The following WDR25 variants were observed in gnomAD, a reference collection of about 807,000 sequenced individuals.
The protein encoded by WDR25 is WD repeat domain 25.
A neutral mutation model predicts 47.7 loss-of-function variants in WDR25; 35 were observed. The ratio of observed to expected loss-of-function variants is 0.73; its 90% CI spans 0.56 to 0.97. The LOEUF is 0.97. Ranked by LOEUF, WDR25 falls within the 50% of genes least tolerant of loss-of-function variation. The probability of loss-of-function intolerance (pLI) is 0.00; values close to 1 mark genes in which losing one functional copy is unlikely to be tolerated. For synonymous variants in WDR25, 248 were observed against 278.9 expected (o/e 0.89, Z 1.10); for missense variants, 634 against 704.7 (o/e 0.90, Z 1.14).
Position 100,392,356 on chromosome 14 carries a change from T to TCTC in WDR25, c.822+10611_822+10613dup, listed in dbSNP as rs2140155460. ...GTGAGTGGGTTCTTTTCCAGCCACGTCTCTGTCTTCTTCTGCTTGGTTAGC... is the reference window on the plus strand; with the variant it reads ...GTGAGTGGGTTCTTTTCCAGCCACGTCTCCTCTGTCTTCTTCTGCTTGGTTAGC... On this transcript the variant is annotated intron_variant, in intron 2 of 6. Transcript: ENST00000402312. This position sits in a 1 kb window ranked among gnomAD's most constrained non-coding sequence, Gnocchi z 4.2. Among the ~76,000 whole-genome samples, 1 of 151,796 alleles carries TCTC rather than the reference T, an allele frequency of 6.6e-6. No homozygotes were observed. The highest frequency in any genetic ancestry group is 2.0e-4 in the East Asian group (1 of 5,114).
At chr14:100,439,344 G>A (rs1056197511) in intron 2 of WDR25, among the ~76,000 whole-genome samples, 1 of 152,220 alleles carries the variant, frequency 6.6e-6, no homozygotes, top group African/African-American at 2.4e-5. Context: ...GGACTCCTGT[G>A]CATCACAGAG....
chr14:100,465,981 A>G (rs1218425673), intron 2 of WDR25, among the ~76,000 whole-genome samples: 1 of 152,242 alleles, frequency 6.6e-6, no homozygotes, highest in East Asian at 1.9e-4. Flanking sequence ...TGTACTTAAT[A>G]TTAACTTTTT....
At chr14:100,383,191 C>T (rs1896944518) in intron 2 of WDR25, among the ~76,000 whole-genome samples, 1 of 152,192 alleles carries the variant, frequency 6.6e-6, no homozygotes, top group African/African-American at 2.4e-5. Flanking sequence ...GACTCAGAGT[C>T]CTGTGGGAGA....
In WDR25 at chr14:100,487,443, G is replaced by A. The variant is rs1300887875; in HGVS notation, c.1101+3319G>A. 7 of 152,284 alleles carry A rather than the reference G, an allele frequency of 4.6e-5. No homozygotes were observed. In the Middle Eastern group the frequency reaches 0.01, roughly 222 times the overall value. 9.4% of individuals were successfully genotyped at this position (152,284 alleles called of 1,614,324 possible). A position where few individuals can be genotyped will look rare whatever the true frequency, so the allele number is the denominator to read the frequency against. On this transcript the variant is annotated intron_variant, in intron 4 of 6. Coordinates refer to ENST00000402312, the MANE Select transcript of WDR25 (RefSeq NM_001161476.3). ...TATACTCATTTATGTATCATCTGTG[G>A]CTGCTTTTATACTACAGTAGCAGAG...
rs1000262143 is a variant in WDR25 at position 100,440,592 on chromosome 14, A to G, written c.823-27429A>G. Among the ~76,000 whole-genome samples, 1 of 152,232 alleles carries G rather than the reference A, an allele frequency of 6.6e-6. No individual in the cohort carries two copies. The highest frequency in any genetic ancestry group is 1.5e-5 in the Non-Finnish European group (1 of 68,042). On this transcript the variant is annotated intron_variant, in intron 2 of 6. Transcript: ENST00000402312. The surrounding 1 kb of genome is among the most constrained non-coding windows in gnomAD (Gnocchi z 4.4). Reference sequence around the variant, plus strand: ...ACAGGCTCCTGCTTTGTCCATGTGGAAGGAGCCCAGGCTGCCCTGGCTGCT... The same window carrying G: ...ACAGGCTCCTGCTTTGTCCATGTGGGAGGAGCCCAGGCTGCCCTGGCTGCT...
At position 100,415,456 on chromosome 14, in the gene WDR25, A is replaced by C. The variant is rs574810845; in HGVS notation, c.822+33710A>C. Among the ~76,000 whole-genome samples, 4 of 152,324 alleles carry C rather than the reference A, an allele frequency of 2.6e-5. No homozygotes were observed. In the South Asian group the frequency reaches 8.3e-4, roughly 32 times the overall value. ...TGCACAGTCTTCTGAGCAAGCCACG[A>C]ACAGCTGATTTGCTCTGGCCTGTCT... On this transcript the variant is annotated intron_variant, in intron 2 of 6. Transcript: ENST00000402312.
At position 100,500,121 on chromosome 14, in the gene WDR25, C is replaced by T. The variant is rs1397555048; in HGVS notation, c.1101+15997C>T. Among the ~76,000 whole-genome samples, 1 of 152,128 alleles carries T rather than the reference C, an allele frequency of 6.6e-6. No homozygotes were observed. The highest frequency in any genetic ancestry group is 1.5e-5 in the Non-Finnish European group (1 of 67,986). On this transcript the variant is annotated intron_variant, in intron 4 of 6. Transcript: ENST00000402312. This position sits in a 1 kb window ranked among gnomAD's most constrained non-coding sequence, Gnocchi z 4.7. ...TCCTCCCCTACTTCTCTCTTACCTG[C>T]TGCATCCTCTCTGTGCACCAAGGAG...
chr14:100,427,631 C>T (rs146432840), intron 2 of WDR25, among the ~76,000 whole-genome samples: 4 of 152,350 alleles, frequency 2.6e-5, no homozygotes, highest in African/African-American at 4.8e-5. Context: ...TGTGGGGTCC[C>T]GTCATCACTT....
rs1900834404 is a variant in WDR25, at chr14:100,499,213, G to A, written c.1101+15089G>A. ...CTTCATTCAATTGTTTTATGCATAT[G>A]TATTTACATTTTTATATAATTGTCT... is the stretch of plus-strand genomic sequence containing the variant. On this transcript the variant is annotated intron_variant, in intron 4 of 6. Coordinates refer to ENST00000402312, the MANE Select transcript of WDR25 (RefSeq NM_001161476.3). This position sits in a 1 kb window ranked among gnomAD's most constrained non-coding sequence, Gnocchi z 4.4. Among the ~76,000 whole-genome samples the A allele has an allele frequency of 6.6e-6, 1 of 152,182 alleles. No homozygotes were observed. The highest frequency in any genetic ancestry group is 1.5e-5 in the Non-Finnish European group (1 of 68,030).
chr14:100,449,899 T>TCTCCCCTGCTCCCCTTCTGCCTCA lies in WDR25; in HGVS notation c.823-18114_823-18091dup, dbSNP rs938512804. On this transcript the variant is annotated intron_variant, in intron 2 of 6. Coordinates refer to ENST00000402312, the MANE Select transcript of WDR25 (RefSeq NM_001161476.3). This position sits in a 1 kb window ranked among gnomAD's most constrained non-coding sequence, Gnocchi z 4.2. ...CGCCATGTGCCACGACACCCTGCCT[T>TCTCCCCTGCTCCCCTTCTGCCTCA]CTCCCCTGCTCCCCTTCTGCCTCAC... 6.6e-6 allele frequency among the ~76,000 whole-genome samples: 1 copy of TCTCCCCTGCTCCCCTTCTGCCTCA among 152,120 alleles called. No individual in the cohort carries two copies. Among genetic ancestry groups the TCTCCCCTGCTCCCCTTCTGCCTCA allele is most frequent in the African/African-American group, 2.4e-5 (1 of 41,416 alleles).
At chr14:100,471,278 T>C (rs1450750573) in intron 3 of WDR25, among the ~76,000 whole-genome samples, 2 of 152,176 alleles carry the variant, frequency 1.3e-5, no homozygotes, top group Non-Finnish European at 2.9e-5. Context: ...TCAGTACCTG[T>C]GTGGGTAAGA....
Position 100,498,921 on chromosome 14 carries a change from C to T in WDR25, c.1101+14797C>T, listed in dbSNP as rs751078146. Among the ~76,000 whole-genome samples the T allele has an allele frequency of 1.3e-5, 2 of 152,136 alleles. No homozygotes were observed. Among genetic ancestry groups the T allele is most frequent in the African/African-American group, 2.4e-5 (1 of 41,424 alleles). On this transcript the variant is annotated intron_variant, in intron 4 of 6. Coordinates refer to ENST00000402312, the MANE Select transcript of WDR25 (RefSeq NM_001161476.3). The surrounding 1 kb of genome is among the most constrained non-coding windows in gnomAD (Gnocchi z 4.2). ...ACTTGGCCTGAGTGGGGCTGTGAGC[C>T]GATGAGAGGGCTTGTCGTGGGGTCC... is the stretch of plus-strand genomic sequence containing the variant.
At chr14:100,393,566 T>C (rs572858932) in intron 2 of WDR25, among the ~76,000 whole-genome samples, 1 of 152,194 alleles carries the variant, frequency 6.6e-6, no homozygotes, top group South Asian at 2.1e-4. Context: ...TCGGGTTTGC[T>C]CCCAGGGCAG....
intron 2 of WDR25, among the ~76,000 whole-genome samples, chr14:100,447,460 C>T (rs1898875788): frequency 6.6e-6 from 1 of 152,182 alleles, no homozygotes; most frequent in Admixed American, 6.5e-5. Context: ...TGCTCTTTGC[C>T]ACGTGTCTGC....
chr14:100,448,063 C>T (rs1197877168), intron 2 of WDR25, among the ~76,000 whole-genome samples: 1 of 152,088 alleles, frequency 6.6e-6, no homozygotes, highest in East Asian at 1.9e-4. Flanking sequence ...GGCGTGGTGG[C>T]ATTTGCCTGT....
At chr14:100,444,765 C>T (rs572355987) in intron 2 of WDR25, among the ~76,000 whole-genome samples, 1 of 152,262 alleles carries the variant, frequency 6.6e-6, no homozygotes, top group Non-Finnish European at 1.5e-5. Flanking sequence ...TCGTCCTCCT[C>T]ACGTCCTTAG....
chr14:100,496,443 T>C (rs1900729753), intron 4 of WDR25, among the ~76,000 whole-genome samples: 1 of 152,178 alleles, frequency 6.6e-6, no homozygotes, highest in Non-Finnish European at 1.5e-5. Flanking sequence ...TTCAAAGAAA[T>C]ACTGATTTTC....
chr14:100,413,089 C>CA (rs1458862666), intron 2 of WDR25, among the ~76,000 whole-genome samples: 1 of 152,178 alleles, frequency 6.6e-6, no homozygotes, highest in Admixed American at 6.5e-5. Context: ...CTTGGCCTCC[C>CA]AAAGTTCTGG....
At chr14:100,520,774 G>A (rs1011964991) in intron 4 of WDR25, among the ~76,000 whole-genome samples, 3 of 152,164 alleles carry the variant, frequency 2.0e-5, no homozygotes, top group African/African-American at 7.2e-5. Context: ...GGGCTCGTAT[G>A]TGTCAGGCAT....
Sources: allele counts gnomAD v4.1 joint callset (sites outside exome capture counted in the v4.1 genomes callset), GRCh38; gene constraint gnomAD v4.1.1; non-coding constraint Gnocchi (gnomAD v3.1); transcripts MANE v1.5; gene names NCBI Gene and HGNC (gene_info 2026-07-23, HGNC 2026-07-21).